The following SUPT3H variants were observed in gnomAD, a reference collection of about 807,000 sequenced individuals.
SUPT3H encodes transcription initiation protein SPT3 homolog.
SUPT3H carries 44 observed loss-of-function variants against 44.3 expected under a neutral mutation model. That is an observed-to-expected ratio of 0.99 (90% CI 0.78 to 1.28). The LOEUF is 1.28. SUPT3H is among the 50% of genes most tolerant of loss of function. The probability of loss-of-function intolerance (pLI) is 0.00; values close to 1 mark genes in which losing one functional copy is unlikely to be tolerated. For synonymous variants in SUPT3H, 124 were observed against 125.6 expected (o/e 0.99, Z 0.09); for missense variants, 380 against 387.1 (o/e 0.98, Z 0.15).
chr6:45,141,756 T>C (rs1805256021), intron 2 of SUPT3H, among the ~76,000 whole-genome samples: 1 of 152,114 alleles, frequency 6.6e-6, no homozygotes, highest in Admixed American at 6.6e-5. Flanking sequence ...CAAAAACAAG[T>C]CCAGGAGCAG....
In SUPT3H at chr6:44,956,500, AAAT is replaced by A. The variant is rs1405092319; in HGVS notation, c.581-1896_581-1894del. On this transcript the variant is annotated intron_variant, in intron 7 of 10. Transcript: ENST00000371459. Reference sequence around the variant, plus strand: ...AAAAAAAAATAAAAAAAAAAAATAAAAATAAAAAAAAAAAAGTGTCTATTACCA... The same window carrying A: ...AAAAAAAAATAAAAAAAAAAAATAAAAAAAAAAAAAAAGTGTCTATTACCA... Among the ~76,000 whole-genome samples the A allele has an allele frequency of 2.0e-3, 19 of 9,510 alleles. 3 individuals are homozygous for A. The highest frequency in any genetic ancestry group is 6.5e-3 in the South Asian group (2 of 310). 6.2% of individuals were successfully genotyped at this position (9,510 alleles called of 152,430 possible).
At chr6:45,019,692 G>C (rs906130658) in intron 4 of SUPT3H, among the ~76,000 whole-genome samples, 1 of 151,780 alleles carries the variant, frequency 6.6e-6, no homozygotes, top group Non-Finnish European at 1.5e-5. Flanking sequence ...TGCATCTGGC[G>C]CCTTGTACCT....
intron 10 of SUPT3H, among the ~76,000 whole-genome samples, chr6:44,928,349 A>G (rs1210423859): frequency 6.6e-6 from 1 of 152,152 alleles, no homozygotes; most frequent in Admixed American, 6.5e-5. Flanking sequence ...ACAAACAAGA[A>G]GCAAAAAAGT....
At chr6:45,011,437 T>C (rs1281702725) in intron 5 of SUPT3H, among the ~76,000 whole-genome samples, 2 of 152,140 alleles carry the variant, frequency 1.3e-5, no homozygotes, top group Non-Finnish European at 2.9e-5. Flanking sequence ...TATATTTATA[T>C]AGTTTGTTAT....
At chr6:45,312,488 C>T (rs1784098311) in intron 2 of SUPT3H, among the ~76,000 whole-genome samples, 1 of 144,064 alleles carries the variant, frequency 6.9e-6, no homozygotes, top group Admixed American at 7.1e-5. Context: ...GCACTCCAGC[C>T]TGGACGACAG....
chr6:45,054,011 G>C (rs1254222725), intron 3 of SUPT3H, among the ~76,000 whole-genome samples: 1 of 151,546 alleles, frequency 6.6e-6, no homozygotes, highest in East Asian at 1.9e-4. Context: ...CCAGAGAGAG[G>C]GAATGAAGGC....
chr6:44,977,759 A>C (rs2062941438), intron 6 of SUPT3H, among the ~76,000 whole-genome samples: 1 of 152,194 alleles, frequency 6.6e-6, no homozygotes, highest in Non-Finnish European at 1.5e-5. Flanking sequence ...TATCTGATCA[A>C]GTAAAATTAT....
intron 6 of SUPT3H, among the ~76,000 whole-genome samples, chr6:44,969,979 G>A (rs538688928): frequency 1.3e-5 from 2 of 152,254 alleles, no homozygotes; most frequent in African/African-American, 4.8e-5. Flanking sequence ...TCCTCAGCAA[G>A]TACAAAGCAT....
chr6:44,839,930 G>T (rs1419344867), intron 10 of SUPT3H, among the ~76,000 whole-genome samples: 1 of 152,110 alleles, frequency 6.6e-6, no homozygotes, highest in Non-Finnish European at 1.5e-5. Context: ...TCGATCTCCT[G>T]ACCTCGTGAT....
intron 2 of SUPT3H, among the ~76,000 whole-genome samples, chr6:45,139,561 C>T (rs944713367): frequency 1.3e-5 from 2 of 151,760 alleles, no homozygotes; most frequent in Admixed American, 6.6e-5. Context: ...AGGAGAAAAA[C>T]TGTGAGTTCC....
chr6:45,331,972 G>A (rs947277177), intron 2 of SUPT3H, among the ~76,000 whole-genome samples: 3 of 151,872 alleles, frequency 2.0e-5, no homozygotes, highest in Non-Finnish European at 2.9e-5. Flanking sequence ...CTGCAGGGGC[G>A]GGGGGAGCTA....
At chr6:45,279,806 T>G (rs1418924485) in intron 2 of SUPT3H, among the ~76,000 whole-genome samples, 1 of 152,202 alleles carries the variant, frequency 6.6e-6, no homozygotes, top group Non-Finnish European at 1.5e-5. Flanking sequence ...GATAGAGCTG[T>G]TATATCCGGT....
intron 10 of SUPT3H, among the ~76,000 whole-genome samples, chr6:44,864,511 C>A (rs556305138): frequency 6.6e-6 from 1 of 152,320 alleles, no homozygotes; most frequent in African/African-American, 2.4e-5. Context: ...CCTGGACATC[C>A]AGGTATTTCC....
At chr6:45,146,954 T>C (rs903234749) in intron 2 of SUPT3H, among the ~76,000 whole-genome samples, 2 of 152,168 alleles carry the variant, frequency 1.3e-5, no homozygotes, top group Non-Finnish European at 2.9e-5. Context: ...CATTAGTTCA[T>C]AATAATTGAG....
intron 2 of SUPT3H, among the ~76,000 whole-genome samples, chr6:45,145,253 C>T (rs866613211): frequency 1.3e-5 from 2 of 152,024 alleles, no homozygotes; most frequent in South Asian, 4.2e-4. Flanking sequence ...CATCATATTA[C>T]CTGACTTCAA....
intron 2 of SUPT3H, among the ~76,000 whole-genome samples, chr6:45,347,031 G>A (rs1791024698): frequency 2.0e-5 from 3 of 152,076 alleles, no homozygotes; most frequent in African/African-American, 2.4e-5. Context: ...TTACATGGCT[G>A]AAAAGAGAGG....
At chr6:45,345,717 A>G (rs935987820) in intron 2 of SUPT3H, among the ~76,000 whole-genome samples, 2 of 152,172 alleles carry the variant, frequency 1.3e-5, no homozygotes, top group Non-Finnish European at 2.9e-5. Context: ...TACATGATGC[A>G]TTATCAATTC....
At chr6:44,906,030 T>C (rs1168829665) in intron 10 of SUPT3H, among the ~76,000 whole-genome samples, 1 of 150,266 alleles carries the variant, frequency 6.7e-6, no homozygotes, top group Non-Finnish European at 1.5e-5. Context: ...TGTTGTGCGG[T>C]GGGGGGATGG....
chr6:45,045,536 G>A (rs1789251161), intron 3 of SUPT3H, among the ~76,000 whole-genome samples: 1 of 152,162 alleles, frequency 6.6e-6, no homozygotes. Context: ...ATCAGCTTAA[G>A]GAGTTTTGGG....
Sources: gnomAD v4.1 joint callset for allele counts (sites outside exome capture counted in the v4.1 genomes callset) on GRCh38, gnomAD v4.1.1 for gene constraint, MANE v1.5 for transcripts, NCBI Gene and HGNC (gene_info 2026-07-23, HGNC 2026-07-21) for gene names.